The following TAB2 variants were observed in gnomAD, a reference collection of about 807,000 sequenced individuals.
TAB2 encodes TGF-beta-activated kinase 1 and MAP3K7-binding protein 2.
A neutral mutation model predicts 65.0 loss-of-function variants in TAB2; 3 were observed. That is an observed-to-expected ratio of 0.05 (90% CI 0.02 to 0.12). TAB2 has a LOEUF of 0.12. TAB2 is among the 10% of genes least tolerant of loss of function. The pLI is 1.00. For synonymous variants in TAB2, 298 were observed against 285.1 expected (o/e 1.05, Z -0.46); for missense variants, 623 against 840.3 (o/e 0.74, Z 3.20).
chr6:149,290,694 A>G (rs558407904), intron 1 of TAB2, among the ~76,000 whole-genome samples: 1 of 152,220 alleles, frequency 6.6e-6, no homozygotes, highest in South Asian at 2.1e-4. Context: ...AAAGACAAAA[A>G]AATAGCCAGG....
intron 1 of TAB2, among the ~76,000 whole-genome samples, chr6:149,240,532 T>C (rs975036907): frequency 6.6e-6 from 1 of 150,926 alleles, no homozygotes; most frequent in Non-Finnish European, 1.5e-5. Context: ...CTGTAAAGTG[T>C]TATAAAACTG....
At chr6:149,352,953 T>C (rs1780538284) in intron 1 of TAB2, among the ~76,000 whole-genome samples, 1 of 152,182 alleles carries the variant, frequency 6.6e-6, no homozygotes, top group Non-Finnish European at 1.5e-5. Context: ...TTAAGGAGCT[T>C]TTAAGGTTTT....
intron 6 of TAB2, chr6:149,400,145 C>T: frequency 3.8e-6 from 2 of 524,190 alleles, no homozygotes; most frequent in South Asian, 6.2e-5. Context: ...ATGGATTAAA[C>T]TCACCACTCA....
intron 3 of TAB2, among the ~76,000 whole-genome samples, chr6:149,388,914 TTTCCATA>T (rs1781888948): frequency 6.6e-6 from 1 of 152,030 alleles, no homozygotes; most frequent in Admixed American, 6.6e-5. Flanking sequence ...TTAGAAAGCC[TTTCCATA>T]TTCCAAGATT....
At chr6:149,357,465 A>ACACACACACACACC in intron 1 of TAB2, among the ~76,000 whole-genome samples, 2 of 148,554 alleles carry the variant, frequency 1.3e-5, no homozygotes, top group African/African-American at 5.0e-5. Flanking sequence ...ACACACACAC[A>ACACACACACACACC]CATTTTAGCC....
chr6:149,229,294 T>A (rs1165544501), intron 1 of TAB2, among the ~76,000 whole-genome samples: 1 of 152,066 alleles, frequency 6.6e-6, no homozygotes, highest in African/African-American at 2.4e-5. Context: ...AGGCTGAAAC[T>A]GTCAACAGTG....
intron 1 of TAB2, among the ~76,000 whole-genome samples, chr6:149,275,300 G>GAAAGAAAGAAAGAAAAAA (rs1223068467): frequency 7.8e-6 from 1 of 128,302 alleles, no homozygotes; most frequent in East Asian, 2.4e-4. Context: ...AAGAAAGAAA[G>GAAAGAAAGAAAGAAAAAA]AGAAAAAAGA....
chr6:149,364,100 A>G (rs1400915086), intron 1 of TAB2, among the ~76,000 whole-genome samples: 3 of 152,168 alleles, frequency 2.0e-5, no homozygotes, highest in Non-Finnish European at 4.4e-5. Flanking sequence ...TGCTATCCAC[A>G]GTACAGGCTA....
intron 3 of TAB2, among the ~76,000 whole-genome samples, chr6:149,389,429 T>C (rs1781908832): frequency 6.6e-6 from 1 of 151,896 alleles, no homozygotes; most frequent in Non-Finnish European, 1.5e-5. Flanking sequence ...GTAGATCACC[T>C]GAGGTTGGGA....
At chr6:149,394,611 C>G (rs1782108192) in intron 3 of TAB2, among the ~76,000 whole-genome samples, 1 of 152,130 alleles carries the variant, frequency 6.6e-6, no homozygotes, top group Non-Finnish European at 1.5e-5. Context: ...TGAGGCATTG[C>G]ATCAATTTAG....
intron 1 of TAB2, among the ~76,000 whole-genome samples, chr6:149,264,657 T>C (rs1400870384): frequency 2.6e-5 from 4 of 152,114 alleles, no homozygotes; most frequent in Non-Finnish European, 4.4e-5. Context: ...TTTTATTCCA[T>C]CCCAGTGCAG....
At position 149,397,986 on chromosome 6, in the gene TAB2, G is replaced by T. The variant is rs759368961; in HGVS notation, c.1782G>T (p.Gln594His). The T allele has an allele frequency of 1.2e-6, 2 of 1,613,634 alleles. No individual in the cohort carries two copies. Among genetic ancestry groups the T allele is most frequent in the South Asian group, 1.1e-5 (1 of 91,060 alleles). The part of the protein sequence containing the change: ...SQIPSLEEMQ[Q>H]LRSCNRQLQI... The stretch of plus-strand genomic sequence containing the variant: ...TTTTTCAGCTTGAAGAAATGCAGCA[G>T]CTGAGAAGTTGTAATAGACAACTCC... The change falls in exon 5 of 7, where the codon CAG becomes CAT. Residue 594 changes from glutamine (Q) to histidine (H), a missense_variant. Transcript: ENST00000637181.
At chr6:149,315,830 T>G (rs576022), upstream of TAB2, among the ~76,000 whole-genome samples, 1 of 152,190 alleles carries the variant, frequency 6.6e-6, no homozygotes, top group Non-Finnish European at 1.5e-5. Context: ...ATTTGTTATA[T>G]GTACCTTCTT....
At position 149,248,597 on chromosome 6, in the gene TAB2, G is replaced by A. The variant is rs1186851867; in HGVS notation, c.-121+29821G>A. On this transcript the variant is annotated intron_variant, in intron 1 of 1. Transcript: ENST00000606202. ...CTGGCCAGCACACTCTTTCTCCCAA[G>A]GTGGTCATAAGTAGCACTGTATGCA... Among the ~76,000 whole-genome samples the A allele has an allele frequency of 6.6e-5, 10 of 152,280 alleles. No individual in the cohort carries two copies. In the East Asian group the frequency reaches 1.3e-3, roughly 21 times the overall value.
chr6:149,309,545 C>T (rs112379994), intron 1 of TAB2, among the ~76,000 whole-genome samples: 9,523 of 151,866 alleles, frequency 0.063, 963 homozygotes, highest in African/African-American at 0.21. Flanking sequence ...TACAGGCGCC[C>T]GCCACCACGC....
chr6:149,256,330 C>A (rs1778033892), intron 1 of TAB2, among the ~76,000 whole-genome samples: 1 of 152,108 alleles, frequency 6.6e-6, no homozygotes, highest in South Asian at 2.1e-4. Flanking sequence ...GGAATGTATA[C>A]TTGCATATAG....
chr6:149,350,718 G>C (rs1780463319), intron 1 of TAB2, among the ~76,000 whole-genome samples: 2 of 148,838 alleles, frequency 1.3e-5, no homozygotes, highest in African/African-American at 5.0e-5. Flanking sequence ...GGGCTCAATG[G>C]ATCCTCCTTC....
chr6:149,241,302 A>C (rs766748358), intron 1 of TAB2, among the ~76,000 whole-genome samples: 6 of 152,230 alleles, frequency 3.9e-5, no homozygotes, highest in Non-Finnish European at 5.9e-5. Context: ...ACTTGATGAT[A>C]TATGTAGGCA....
chr6:149,334,015 A>G lies in TAB2; in HGVS notation c.-90+16000A>G, dbSNP rs1779861358. Among the ~76,000 whole-genome samples, 6 of 152,348 alleles carry G rather than the reference A, an allele frequency of 3.9e-5. No homozygotes were observed. In the South Asian group the frequency reaches 1.0e-3, roughly 26 times the overall value. On this transcript the variant is annotated intron_variant, in intron 1 of 6. Coordinates refer to ENST00000637181, the MANE Select transcript of TAB2 (RefSeq NM_001292034.3). ...GGAGCATTAGATGAGTTTATGCATT[A>G]TAAGTCATTTGACCTAGTGCCTAGC...
Sources: gnomAD v4.1 joint callset for allele counts (sites outside exome capture counted in the v4.1 genomes callset) on GRCh38, gnomAD v4.1.1 for gene constraint, MANE v1.5 for transcripts, NCBI Gene and HGNC (gene_info 2026-07-23, HGNC 2026-07-21) for gene names.